ST6GALNAC3: variants seen among roughly 807,000 people sequenced by gnomAD.
ST6GALNAC3 encodes the protein ST6 N-acetylgalactosaminide alpha-2,6-sialyltransferase 3.
Under a neutral mutation model 32.7 loss-of-function variants are expected in ST6GALNAC3, and 25 were observed. The ratio of observed to expected loss-of-function variants is 0.76; its 90% confidence interval spans 0.56 to 1.07. ST6GALNAC3 has a LOEUF of 1.07. ST6GALNAC3 is among the 50% of genes least tolerant of loss of function. The pLI, the probability that ST6GALNAC3 is intolerant of heterozygous loss-of-function variation, is 0.00. For missense variants in ST6GALNAC3, 355 were observed against 382.4 expected (o/e 0.93, Z 0.60); for synonymous variants, 129 against 133.1 (o/e 0.97, Z 0.21).
At chr1:76,109,323 T>C (rs1647762507) in intron 1 of ST6GALNAC3, among the ~76,000 whole-genome samples, 1 of 152,160 alleles carries the variant, frequency 6.6e-6, no homozygotes, top group Admixed American at 6.5e-5. Flanking sequence ...AGTTGCATTG[T>C]GTTTCCATGC....
intron 1 of ST6GALNAC3, among the ~76,000 whole-genome samples, chr1:76,220,712 T>C (rs569209580): frequency 2.4e-4 from 36 of 152,266 alleles, no homozygotes; most frequent in Middle Eastern, 3.4e-3. Context: ...GGTGGAGCTG[T>C]TGGGGCAGGC....
intron 1 of ST6GALNAC3, among the ~76,000 whole-genome samples, chr1:76,298,554 AG>A (rs1660544493): frequency 6.6e-6 from 1 of 152,044 alleles, no homozygotes; most frequent in Non-Finnish European, 1.5e-5. Flanking sequence ...CCTGAACGTC[AG>A]CATAAATATT....
At chr1:76,403,334 T>G (rs1166942517) in intron 2 of ST6GALNAC3, among the ~76,000 whole-genome samples, 1 of 152,168 alleles carries the variant, frequency 6.6e-6, no homozygotes, top group Non-Finnish European at 1.5e-5. Flanking sequence ...GCTGACTTCA[T>G]GTGTAAGTGC....
intron 3 of ST6GALNAC3, among the ~76,000 whole-genome samples, chr1:76,466,143 A>C (rs541121651): frequency 6.6e-6 from 1 of 152,178 alleles, no homozygotes; most frequent in South Asian, 2.1e-4. Flanking sequence ...ATCTAGGTTG[A>C]ACATTGTAGT....
intron 2 of ST6GALNAC3, among the ~76,000 whole-genome samples, chr1:76,373,800 A>C (rs141202053): frequency 2.1e-3 from 326 of 152,342 alleles, no homozygotes; most frequent in Non-Finnish European, 3.1e-3. Flanking sequence ...AATAAATGTT[A>C]GGTTTCACAT....
At chr1:76,603,103 G>A (rs1346601275) in intron 3 of ST6GALNAC3, among the ~76,000 whole-genome samples, 1 of 152,170 alleles carries the variant, frequency 6.6e-6, no homozygotes, top group Non-Finnish European at 1.5e-5. Flanking sequence ...AAGACGAAGA[G>A]CAGCAGGAGC....
intron 1 of ST6GALNAC3, among the ~76,000 whole-genome samples, chr1:76,217,447 A>T (rs924056083): frequency 1.3e-5 from 2 of 152,220 alleles, no homozygotes; most frequent in African/African-American, 4.8e-5. Flanking sequence ...GTCTCAGCAT[A>T]AATAGTGCCT....
At chr1:76,366,358 A>G (rs938575353) in intron 2 of ST6GALNAC3, among the ~76,000 whole-genome samples, 9 of 152,154 alleles carry the variant, frequency 5.9e-5, no homozygotes, top group Non-Finnish European at 1.2e-4. Flanking sequence ...AGTACATACT[A>G]TTTATCTGGT....
At chr1:76,587,854 G>A (rs893034034) in intron 3 of ST6GALNAC3, among the ~76,000 whole-genome samples, 10 of 152,152 alleles carry the variant, frequency 6.6e-5, no homozygotes, top group Non-Finnish European at 1.3e-4. Context: ...GTTACCAACA[G>A]GTGTAGACAG....
chr1:76,193,401 C>T (rs941912517), intron 1 of ST6GALNAC3, among the ~76,000 whole-genome samples: 5 of 152,070 alleles, frequency 3.3e-5, no homozygotes, highest in African/African-American at 1.2e-4. Flanking sequence ...CCATAAGTAC[C>T]AACTCACATT....
chr1:76,154,359 T>C (rs1651254600), intron 1 of ST6GALNAC3, among the ~76,000 whole-genome samples: 1 of 152,160 alleles, frequency 6.6e-6, no homozygotes, highest in African/African-American at 2.4e-5. Flanking sequence ...TCAGGTTGTT[T>C]CTTAGTGAAG....
At chr1:76,155,559 C>G (rs960154966) in intron 1 of ST6GALNAC3, among the ~76,000 whole-genome samples, 37 of 152,086 alleles carry the variant, frequency 2.4e-4, no homozygotes, top group Admixed American at 8.5e-4. Context: ...GCTCCGCCTC[C>G]CGGGTTCATG....
chr1:76,144,996 T>C (rs1174796991), intron 1 of ST6GALNAC3, among the ~76,000 whole-genome samples: 1 of 152,188 alleles, frequency 6.6e-6, no homozygotes, highest in Non-Finnish European at 1.5e-5. Flanking sequence ...AAGTAGCTTG[T>C]TCAGAACTTG....
chr1:76,355,844 T>C (rs757500426), intron 2 of ST6GALNAC3, among the ~76,000 whole-genome samples: 1 of 152,196 alleles, frequency 6.6e-6, no homozygotes, highest in Non-Finnish European at 1.5e-5. Flanking sequence ...AAAGTCAGAG[T>C]TTCTTTTTTC....
rs954094806 is a variant in ST6GALNAC3 at position 76,451,650 on chromosome 1, T to G, written c.623+39233T>G. On this transcript the variant is annotated intron_variant, in intron 3 of 4. Coordinates refer to ENST00000328299, the MANE Select transcript of ST6GALNAC3 (RefSeq NM_152996.4). ...TCTTTCACCTCCTTGGTTAGGTATA[T>G]TCCTAAGTTTATTTATTTATTTGAA... Among the ~76,000 whole-genome samples the G allele has an allele frequency of 2.6e-5, 4 of 152,216 alleles. No homozygotes were observed. In the South Asian group the frequency reaches 8.3e-4, roughly 32 times the overall value.
Position 76,314,013 on chromosome 1 carries a change from G to A in ST6GALNAC3, c.213+14G>A, listed in dbSNP as rs1383207591. 2 of 1,606,322 alleles carry A rather than the reference G, an allele frequency of 1.2e-6. No homozygotes were observed. The highest frequency in any genetic ancestry group is 2.7e-5 in the African/African-American group (2 of 74,602). On this transcript the variant is annotated intron_variant, in intron 2 of 4. Transcript: ENST00000328299. ...AAGACACAAGAGGTAAGATCCCAGA[G>A]GGTTACCTAGCAGTTGGAGAGTATC...
intron 1 of ST6GALNAC3, among the ~76,000 whole-genome samples, chr1:76,273,005 G>A (rs1040189137): frequency 6.6e-6 from 1 of 152,068 alleles, no homozygotes; most frequent in African/African-American, 2.4e-5. Flanking sequence ...CTGTTCAAAG[G>A]GGTCATTCAT....
intron 1 of ST6GALNAC3, among the ~76,000 whole-genome samples, chr1:76,202,304 A>ACG (rs1654573180): frequency 1.9e-5 from 1 of 52,752 alleles, no homozygotes; most frequent in South Asian, 1.1e-3. Flanking sequence ...GTGTGTGTGT[A>ACG]TGTACATACA....
intron 3 of ST6GALNAC3, among the ~76,000 whole-genome samples, chr1:76,424,335 G>C (rs1655230543): frequency 6.6e-6 from 1 of 151,792 alleles, no homozygotes; most frequent in South Asian, 2.1e-4. Flanking sequence ...TCTGGAAAGA[G>C]ATACATAAAA....
Sources: allele counts gnomAD v4.1 joint callset (sites outside exome capture counted in the v4.1 genomes callset), GRCh38; gene constraint gnomAD v4.1.1; transcripts MANE v1.5; gene names NCBI Gene and HGNC (gene_info 2026-07-23, HGNC 2026-07-21).